GPC5: variants seen among roughly 807,000 people sequenced by gnomAD.
GPC5 encodes the protein glypican-5.
A neutral mutation model predicts 53.9 loss-of-function variants in GPC5; 47 were observed. The ratio of observed to expected loss-of-function variants is 0.87; its 90% CI spans 0.69 to 1.11. The LOEUF (loss-of-function observed/expected upper bound fraction) is 1.11, where lower values mean the gene tolerates loss of function less well. Ranked by LOEUF, GPC5 falls within the 50% of genes most tolerant of loss-of-function variation. GPC5 has a pLI of 0.00. For synonymous variants in GPC5, 286 were observed against 263.3 expected (o/e 1.09, Z -0.84); for missense variants, 748 against 713.1 (o/e 1.05, Z -0.56).
At chr13:92,298,860 G>T (rs138666194) in intron 7 of GPC5, among the ~76,000 whole-genome samples, 1 of 152,104 alleles carries the variant, frequency 6.6e-6, no homozygotes, top group Non-Finnish European at 1.5e-5. Context: ...CATGATCTGC[G>T]GATGAGATCA....
intron 5 of GPC5, among the ~76,000 whole-genome samples, chr13:91,839,790 A>G (rs186984708): frequency 1.4e-3 from 206 of 152,276 alleles, no homozygotes; most frequent in South Asian, 4.6e-3. Flanking sequence ...CATGAAAAGA[A>G]GGATGACTAA....
At chr13:92,393,816 G>A (rs1875134866) in intron 7 of GPC5, among the ~76,000 whole-genome samples, 1 of 152,136 alleles carries the variant, frequency 6.6e-6, no homozygotes, top group African/African-American at 2.4e-5. Context: ...CCCATGAAAT[G>A]TGTTTGCCTG....
At chr13:92,822,792 G>T (rs1877717956) in intron 7 of GPC5, among the ~76,000 whole-genome samples, 3 of 152,076 alleles carry the variant, frequency 2.0e-5, no homozygotes, top group African/African-American at 7.2e-5. Context: ...AGAAGCAGAT[G>T]TATCTTACGG....
intron 6 of GPC5, among the ~76,000 whole-genome samples, chr13:92,086,099 AG>A (rs2041333951): frequency 6.6e-6 from 1 of 152,224 alleles, no homozygotes; most frequent in Non-Finnish European, 1.5e-5. Flanking sequence ...TCTGCATTAA[AG>A]GAGTCACCTA....
rs75340189 is a variant in GPC5 at position 91,613,692 on chromosome 13, G to A, written c.326-79495G>A. On this transcript the variant is annotated intron_variant, in intron 2 of 7. Transcript: ENST00000377067. ...GTTAGGAAAATGAAAAATCAACTTC[G>A]GTATATTGACCTGCAGCACCTTTAA... 2.7e-3 allele frequency among the ~76,000 whole-genome samples: 417 copies of A among 152,192 alleles called. 4 individuals are homozygous for A. Among genetic ancestry groups the A allele is most frequent in the African/African-American group, 9.5e-3 (393 of 41,538 alleles).
intron 7 of GPC5, among the ~76,000 whole-genome samples, chr13:92,478,322 GAC>G (rs1340454224): frequency 6.6e-6 from 1 of 152,126 alleles, no homozygotes; most frequent in African/African-American, 2.4e-5. Flanking sequence ...TGTAAATAAA[GAC>G]AGTTCAGTTG....
intron 2 of GPC5, among the ~76,000 whole-genome samples, chr13:91,560,083 G>A (rs544704329): frequency 6.6e-6 from 1 of 152,062 alleles, no homozygotes; most frequent in African/African-American, 2.4e-5. Context: ...TGCAACTTGA[G>A]TTGACTCCAA....
chr13:91,408,555 G>A (rs969869459), intron 1 of GPC5, among the ~76,000 whole-genome samples: 1 of 151,996 alleles, frequency 6.6e-6, no homozygotes, highest in African/African-American at 2.4e-5. Flanking sequence ...ATTTGTTTAG[G>A]ATATTTTACA....
chr13:92,834,836 T>C (rs773800139), intron 7 of GPC5, among the ~76,000 whole-genome samples: 9 of 152,088 alleles, frequency 5.9e-5, no homozygotes, highest in Non-Finnish European at 1.3e-4. Flanking sequence ...GTAAAGTTGG[T>C]TTAAAGGGTA....
At chr13:91,736,971 A>ATTT (rs201305016) in intron 4 of GPC5, among the ~76,000 whole-genome samples, 3,701 of 149,466 alleles carry the variant, frequency 0.025, 817 homozygotes, top group African/African-American at 0.085. Flanking sequence ...TATTATTATT[A>ATTT]TTTTTGATGG....
chr13:92,242,714 C>T (rs1194440316), intron 7 of GPC5, among the ~76,000 whole-genome samples: 2 of 151,994 alleles, frequency 1.3e-5, no homozygotes, highest in African/African-American at 2.4e-5. Context: ...GTACTTCATG[C>T]GTAGGAGACA....
At chr13:92,220,497 T>C (rs541824182) in intron 7 of GPC5, among the ~76,000 whole-genome samples, 1 of 152,244 alleles carries the variant, frequency 6.6e-6, no homozygotes, top group South Asian at 2.1e-4. Flanking sequence ...TCAATATAAG[T>C]CTAGGCAGGT....
intron 7 of GPC5, among the ~76,000 whole-genome samples, chr13:92,693,381 A>G (rs944120465): frequency 6.6e-6 from 1 of 152,060 alleles, no homozygotes; most frequent in Non-Finnish European, 1.5e-5. Flanking sequence ...CTTCCTAGAG[A>G]CTTGTTGGAT....
In GPC5 at chr13:91,723,690, T is replaced by A. The variant is rs1223752572; in HGVS notation, c.1021-4842T>A. On this transcript the variant is annotated intron_variant, in intron 3 of 7. Transcript: ENST00000377067. ...TTTCCCTTTTCCTCTCTGATTTCAC[T>A]GGTTCTGAGTTTATTCCAATATTCT... Among the ~76,000 whole-genome samples, 3 of 152,206 alleles carry A rather than the reference T, an allele frequency of 2.0e-5. No homozygotes were observed. In the East Asian group the frequency reaches 5.8e-4, roughly 29 times the overall value.
intron 7 of GPC5, among the ~76,000 whole-genome samples, chr13:92,301,767 GA>G (rs2043077111): frequency 6.6e-6 from 1 of 151,862 alleles, no homozygotes; most frequent in South Asian, 2.1e-4. Flanking sequence ...ATCAGAAAAA[GA>G]AAAAAAGTAG....
intron 2 of GPC5, among the ~76,000 whole-genome samples, chr13:91,601,670 C>T (rs1229608801): frequency 2.6e-5 from 4 of 152,080 alleles, no homozygotes; most frequent in East Asian, 1.9e-4. Flanking sequence ...CCCTCTGTTA[C>T]GAGAATCTAA....
At position 91,496,489 on chromosome 13, in the gene GPC5, G is replaced by A. The variant is rs574813221; in HGVS notation, c.325+47567G>A. On this transcript the variant is annotated intron_variant, in intron 2 of 7. Transcript: ENST00000377067. ...CATGTCATTTGCAGCAACATGAATGGAACTGTTCATTATGTTAAGTGAAAT... is the reference window on the plus strand; with the variant it reads ...CATGTCATTTGCAGCAACATGAATGAAACTGTTCATTATGTTAAGTGAAAT... 2.6e-5 allele frequency among the ~76,000 whole-genome samples: 4 copies of A among 152,268 alleles called. No homozygotes were observed. The East Asian group carries it at 5.8e-4, about 22-fold the overall frequency.
chr13:92,533,640 G>T (rs1017285868), intron 7 of GPC5, among the ~76,000 whole-genome samples: 5 of 152,076 alleles, frequency 3.3e-5, no homozygotes, highest in African/African-American at 1.2e-4. Context: ...GCCCCATAGC[G>T]TTAAATAGAG....
intron 6 of GPC5, among the ~76,000 whole-genome samples, chr13:92,068,457 C>G (rs1232142292): frequency 6.6e-6 from 1 of 151,592 alleles, no homozygotes; most frequent in African/African-American, 2.4e-5. Flanking sequence ...ATGTCATTAG[C>G]AAATAATGAC....
Sources: gnomAD v4.1 joint callset for allele counts (sites outside exome capture counted in the v4.1 genomes callset) on GRCh38, gnomAD v4.1.1 for gene constraint, MANE v1.5 for transcripts, NCBI Gene and HGNC (gene_info 2026-07-23, HGNC 2026-07-21) for gene names.